Variants in KCNT1 observed in about 807,000 individuals in gnomAD.
KCNT1 encodes the protein potassium sodium-activated channel subfamily T member 1.
In KCNT1, 78 loss-of-function variants were observed where a neutral mutation model predicts 147.8. The ratio of observed to expected loss-of-function variants is 0.53; its 90% CI spans 0.44 to 0.64. The LOEUF (loss-of-function observed/expected upper bound fraction) is 0.64. KCNT1 is among the 30% of genes least tolerant of loss of function. The pLI is 0.00. For synonymous variants in KCNT1, 867 were observed against 748.8 expected (o/e 1.16, Z -2.58); for missense variants, 1,419 against 1,750.3 (o/e 0.81, Z 3.38).
chr9:135,770,284 G>A lies in KCNT1; in HGVS notation c.1620-14G>A, dbSNP rs754311028. 3.1e-5 allele frequency: 49 copies of A among 1,580,944 alleles called. No individual in the cohort carries two copies. Among genetic ancestry groups the A allele is most frequent in the Non-Finnish European group, 3.4e-5 (39 of 1,161,730 alleles). On this transcript the variant is annotated splice_polypyrimidine_tract_variant and intron_variant, in intron 16 of 30. Coordinates refer to ENST00000371757, the MANE Select transcript of KCNT1 (RefSeq NM_020822.3). The stretch of plus-strand genomic sequence containing the variant: ...CCGAGGGTGACGCTCCCCTGGCCCC[G>A]CCCTGGCCCACAGGGAGGGACAGGA...
Position 135,792,033 on chromosome 9 carries a change from T to C in KCNT1, c.3588-8T>C. On this transcript the variant is annotated splice_polypyrimidine_tract_variant and splice_region_variant and intron_variant, in intron 30 of 30. Coordinates refer to ENST00000371757, the MANE Select transcript of KCNT1 (RefSeq NM_020822.3). ...ATCCACTCCAGGGTCCTCTGTGCCC[T>C]CCCGCAGCTATCTCATCCGCTCCGA... 6.2e-7 allele frequency: 1 copy of C among 1,603,764 alleles called. No homozygotes were observed. The highest frequency in any genetic ancestry group is 8.5e-7 in the Non-Finnish European group (1 of 1,179,330).
intron 15 of KCNT1, 152 bp from the exon 16 acceptor site, chr9:135,769,795 T>A (rs1200707138): frequency 1.1e-5 from 7 of 622,002 alleles, no homozygotes; most frequent in Admixed American, 5.0e-5. Flanking sequence ...GTCCACAGAC[T>A]CTCGGGGCAG....
chr9:135,758,587 C>T (rs1831678721), intron 10 of KCNT1, 79 bp downstream of exon 10: 3 of 1,141,996 alleles, frequency 2.6e-6, no homozygotes, highest in East Asian at 4.7e-5. Flanking sequence ...CGAGGGGATA[C>T]AGATGCCTAT....
chr9:135,765,147 CCTT>C lies in KCNT1; in HGVS notation c.1155_1157del (p.Leu386del). 1 of 1,613,526 alleles carries C rather than the reference CCTT, an allele frequency of 6.2e-7. No homozygotes were observed. The highest frequency in any genetic ancestry group is 8.5e-7 in the Non-Finnish European group (1 of 1,179,928). Reference sequence around the variant, plus strand: ...TGTGTGTCAGCTCCCTCAAGATCGACCTTCTCATGGACTTCCTGAACGAGTTCT... The same window carrying C: ...TGTGTGTCAGCTCCCTCAAGATCGACCTCATGGACTTCCTGAACGAGTTCT... On this transcript the variant is annotated inframe_deletion, in exon 12 of 31. Transcript: ENST00000371757.
At chr9:135,748,926 C>T (rs1008193644) in intron 2 of KCNT1, among the ~76,000 whole-genome samples, 3 of 148,518 alleles carry the variant, frequency 2.0e-5, no homozygotes, top group East Asian at 2.0e-4. Context: ...TAGGAGCAGA[C>T]GTCATGGAGG....
At position 135,730,199 on chromosome 9, in the gene KCNT1, G is replaced by A. The variant is rs369982433; in HGVS notation, c.254+15479G>A. On this transcript the variant is annotated intron_variant, in intron 2 of 30. Transcript: ENST00000371757. The surrounding 1 kb of genome is among the most constrained non-coding windows in gnomAD (Gnocchi z 4.7). ...AGGCAGTGTTGAATTGCAGCCTCTAGTGGCGACAACAAGGAAAGGGGTTCC... is the reference window on the plus strand; with the variant it reads ...AGGCAGTGTTGAATTGCAGCCTCTAATGGCGACAACAAGGAAAGGGGTTCC... Among the ~76,000 whole-genome samples the A allele has an allele frequency of 6.6e-6, 1 of 152,168 alleles. No individual in the cohort carries two copies. The highest frequency in any genetic ancestry group is 1.5e-5 in the Non-Finnish European group (1 of 68,044).
At chr9:135,772,996 C>T (rs763240901) in intron 19 of KCNT1, 47 bp downstream of exon 19, 3 of 1,333,466 alleles carry the variant, frequency 2.2e-6, no homozygotes, top group African/African-American at 1.5e-5. Flanking sequence ...AGGAGCCGCC[C>T]ATGAGTGCGG....
intron 1 of KCNT1, among the ~76,000 whole-genome samples, chr9:135,703,338 G>T (rs147925127): frequency 1.3e-5 from 2 of 152,324 alleles, no homozygotes; most frequent in African/African-American, 4.8e-5. Context: ...GGCCTGGTGC[G>T]GCTGCCTGTT....
chr9:135,778,943 C>G, intron 23 of KCNT1, 121 bp downstream of exon 23: 2 of 1,214,576 alleles, frequency 1.6e-6, no homozygotes, highest in Non-Finnish European at 2.3e-6. Flanking sequence ...ACAGCCACGA[C>G]CACGGGCCCT....
At chr9:135,754,788 T>C (rs921345929) in intron 5 of KCNT1, among the ~76,000 whole-genome samples, 13 of 152,128 alleles carry the variant, frequency 8.5e-5, no homozygotes, top group Non-Finnish European at 2.9e-5. Context: ...TTGCCTGTCG[T>C]GTCCAGAGAG....
At chr9:135,723,798 C>T (rs999484039) in intron 2 of KCNT1, among the ~76,000 whole-genome samples, 6 of 152,220 alleles carry the variant, frequency 3.9e-5, no homozygotes, top group Non-Finnish European at 8.8e-5. Context: ...GCCAGGCCAC[C>T]CCTCGGGGCT....
At chr9:135,756,415 C>G (rs567159484) in intron 6 of KCNT1, among the ~76,000 whole-genome samples, 1 of 152,254 alleles carries the variant, frequency 6.6e-6, no homozygotes, top group Non-Finnish European at 1.5e-5. Flanking sequence ...ATGACTGGGT[C>G]CCATGTCTCC....
At position 135,778,869 on chromosome 9, in the gene KCNT1, G is replaced by A. The variant is rs377395536; in HGVS notation, c.2729+47G>A. ...CGGCTCTAAACCACCCCACAGCCAC[G>A]ACCACGGGCCCTCGCCCTGAGACCC... is the stretch of plus-strand genomic sequence containing the variant. On this transcript the variant is annotated intron_variant, in intron 23 of 30. Transcript: ENST00000371757. 3.1e-5 allele frequency: 49 copies of A among 1,597,054 alleles called. No individual in the cohort carries two copies. The East Asian group carries it at 9.0e-4, about 29-fold the overall frequency.
intron 2 of KCNT1, among the ~76,000 whole-genome samples, chr9:135,715,005 G>A (rs894374469): frequency 9.2e-5 from 14 of 152,228 alleles, no homozygotes; most frequent in African/African-American, 3.1e-4. Flanking sequence ...TGGCCTTCCG[G>A]TGTCTGCTCC....
intron 21 of KCNT1, among the ~76,000 whole-genome samples, chr9:135,778,202 T>C (rs1833320429): frequency 6.6e-6 from 1 of 152,222 alleles, no homozygotes; most frequent in Admixed American, 6.5e-5. Context: ...TCATCTTGGC[T>C]GTGTGACCTC....
At chr9:135,755,420 G>A (rs1831420309) in intron 6 of KCNT1, among the ~76,000 whole-genome samples, 1 of 150,144 alleles carries the variant, frequency 6.7e-6, no homozygotes, top group Admixed American at 6.6e-5. Context: ...CTCCAACTCA[G>A]TGAGCACTGA....
intron 16 of KCNT1, 35 bp from the exon 17 acceptor site, chr9:135,770,263 G>A (rs775431348): frequency 4.5e-6 from 7 of 1,559,294 alleles, no homozygotes. Flanking sequence ...CCATGGCCGA[G>A]GGTGACGCTC....
rs1479136712 is a variant in KCNT1 at position 135,758,333 on chromosome 9, A to G, written c.760-81A>G. ...GGTGTGGCCGGGCCGTCTGCTTTCC[A>G]CTGTCCTTCTAGTCTCTATTCATTG... On this transcript the variant is annotated intron_variant, in intron 9 of 30. Transcript: ENST00000371757. The G allele has an allele frequency of 4.5e-6, 5 of 1,106,420 alleles. 1 individual carries two copies. In the South Asian group the frequency reaches 5.0e-5, roughly 11 times the overall value. The allele number at this position is 1,106,420 out of a possible 1,614,324, so 68.5% of individuals were successfully genotyped here. A position where few individuals can be genotyped will look rare whatever the true frequency, so the allele number is the denominator to read the frequency against.
At chr9:135,790,712 A>C (rs1159564256) in intron 29 of KCNT1, 2 of 149,458 alleles carry the variant, frequency 1.3e-5, no homozygotes, top group Non-Finnish European at 2.9e-5. Flanking sequence ...GAGGACGGGC[A>C]GAGAGGAGGG....
Sources: gnomAD v4.1 joint callset for allele counts (sites outside exome capture counted in the v4.1 genomes callset) on GRCh38, gnomAD v4.1.1 for gene constraint, Gnocchi (gnomAD v3.1) non-coding constraint, MANE v1.5 for transcripts, NCBI Gene and HGNC (gene_info 2026-07-23, HGNC 2026-07-21) for gene names.